Variants in WASF3 observed in about 807,000 individuals in gnomAD.
WASF3 encodes WASP family member 3, also known as actin-binding protein WASF3.
In WASF3, 11 loss-of-function variants were observed where a neutral mutation model predicts 46.6. The observed-to-expected ratio is 0.24, with a 90% CI of 0.15 to 0.39. The LOEUF is 0.39. Among genes scored for constraint, WASF3 ranks in the 10% least tolerant of loss-of-function variants. The pLI is 1.00. For synonymous variants in WASF3, 242 were observed against 259.7 expected (o/e 0.93, Z 0.65); for missense variants, 576 against 669.8 (o/e 0.86, Z 1.55).
chr13:26,565,625 C>A (rs1394984442), intron 1 of WASF3, among the ~76,000 whole-genome samples: 1 of 152,276 alleles, frequency 6.6e-6, no homozygotes, highest in Non-Finnish European at 1.5e-5. Flanking sequence ...CACAGTAACC[C>A]CCTAATTCCC....
At chr13:26,634,265 CTTTG>C (rs1881747426) in intron 2 of WASF3, among the ~76,000 whole-genome samples, 2 of 152,106 alleles carry the variant, frequency 1.3e-5, no homozygotes, top group African/African-American at 4.8e-5. Context: ...CTCTTTTGAT[CTTTG>C]TTGGTTTAAA....
chr13:26,541,746 GCCCTGGGAT>G, the WASF3 span, among the ~76,000 whole-genome samples: 1 of 150,174 alleles, frequency 6.7e-6, no homozygotes, highest in Admixed American at 6.6e-5. Flanking sequence ...GCCTCCCAAA[GCCCTGGGAT>G]TACAGGCATG....
chr13:26,679,943 A>G lies in WASF3; in HGVS notation c.717-1111A>G, dbSNP rs1883174880. On this transcript the variant is annotated intron_variant, in intron 7 of 9. Coordinates refer to ENST00000335327, the MANE Select transcript of WASF3 (RefSeq NM_006646.6). The surrounding 1 kb of genome is among the most constrained non-coding windows in gnomAD (Gnocchi z 4.8). ...TGCCACATGGTGCCCCAGTTAAGAA[A>G]AGCTACCAACTGGAATCCCAAAGAT... The G allele has an allele frequency of 4.1e-6, 6 of 1,467,892 alleles. No homozygotes were observed. In the East Asian group the frequency reaches 7.4e-5, roughly 18 times the overall value. 90.9% of individuals were successfully genotyped at this position (1,467,892 alleles called of 1,614,324 possible).
chr13:26,575,379 A>C (rs959531816), intron 1 of WASF3, among the ~76,000 whole-genome samples: 1 of 152,138 alleles, frequency 6.6e-6, no homozygotes, highest in Non-Finnish European at 1.5e-5. Flanking sequence ...TAAATACATA[A>C]AATGCTTACT....
intron 6 of WASF3, 148 bp downstream of exon 6, chr13:26,672,137 TTCAG>T (rs1196617759): frequency 3.1e-6 from 2 of 644,354 alleles, no homozygotes; most frequent in Non-Finnish European, 5.3e-6. Flanking sequence ...ATCCTGACAA[TTCAG>T]TCAAACACAG....
intron 1 of WASF3, among the ~76,000 whole-genome samples, chr13:26,607,655 A>G (rs536826173): frequency 1.6e-4 from 25 of 151,690 alleles, no homozygotes; most frequent in African/African-American, 6.0e-4. Flanking sequence ...TTTTTGAAAC[A>G]GGGTCTTGCT....
chr13:26,551,308 G>A, the WASF3 span, among the ~76,000 whole-genome samples: 970 of 152,242 alleles, frequency 6.4e-3, 15 homozygotes, highest in African/African-American at 0.022. Context: ...GCATGAGAAC[G>A]AACTAATACA....
chr13:26,658,620 G>A (rs1882534845), intron 3 of WASF3, among the ~76,000 whole-genome samples: 1 of 152,188 alleles, frequency 6.6e-6, no homozygotes. Flanking sequence ...TGTTGGCTTT[G>A]TGCTTGTTAA....
At chr13:26,549,749 T>A in the WASF3 span, among the ~76,000 whole-genome samples, 1 of 152,242 alleles carries the variant, frequency 6.6e-6, no homozygotes, top group African/African-American at 2.4e-5. Flanking sequence ...TTAAATTTTA[T>A]AGGAAAAGCC....
At chr13:26,654,112 C>A (rs1882398209) in intron 3 of WASF3, among the ~76,000 whole-genome samples, 1 of 152,176 alleles carries the variant, frequency 6.6e-6, no homozygotes, top group African/African-American at 2.4e-5. Flanking sequence ...ATGCCTCTTG[C>A]CTTCTGTTGG....
chr13:26,544,766 A>G, the WASF3 span, among the ~76,000 whole-genome samples: 1 of 152,196 alleles, frequency 6.6e-6, no homozygotes, highest in Admixed American at 6.5e-5. Context: ...CTCCACGTCA[A>G]GTGATCTGAC....
At chr13:26,545,381 G>A in the WASF3 span, among the ~76,000 whole-genome samples, 1 of 151,952 alleles carries the variant, frequency 6.6e-6, no homozygotes, top group African/African-American at 2.4e-5. Flanking sequence ...CCCTTGTAAT[G>A]TTATTTCTTT....
At chr13:26,649,709 C>T (rs9512302) in intron 3 of WASF3, among the ~76,000 whole-genome samples, 67,837 of 152,036 alleles carry the variant, frequency 0.45, 16,399 homozygotes, top group Non-Finnish European at 0.55. Context: ...TGCCAGCAAC[C>T]TTACCAGGTT....
At chr13:26,586,947 C>G (rs1880144451) in intron 1 of WASF3, among the ~76,000 whole-genome samples, 1 of 151,348 alleles carries the variant, frequency 6.6e-6, no homozygotes, top group South Asian at 2.1e-4. Context: ...ACCAAAAATA[C>G]AAAAAATTAG....
rs371835977 is a variant in WASF3, at chr13:26,682,663, C to T, written c.1040C>T (p.Pro347Leu). 3.1e-6 allele frequency: 5 copies of T among 1,614,166 alleles called. No individual in the cohort carries two copies. Among genetic ancestry groups the T allele is most frequent in the Non-Finnish European group, 1.7e-6 (2 of 1,180,026 alleles). Residue 347 changes from proline to leucine, a missense_variant, in exon 9 of 10, where the codon CCA (proline) becomes CTA (leucine). Around this residue, in one of 3 missense-constraint regions of WASF3, gnomAD observed 295 missense variants for 291.5 expected, o/e 1.01. Coordinates refer to ENST00000335327, the MANE Select transcript of WASF3 (RefSeq NM_006646.6). This position sits in a 1 kb window ranked among gnomAD's most constrained non-coding sequence, Gnocchi z 4.4. ...YYNPSGPPPP[P>L]PPPVIPSAQT... ...AACCCATCCGGACCACCTCCTCCGC[C>T]ACCTCCTCCTGTGATTCCCTCAGCA...
At chr13:26,645,141 G>A (rs934577505) in intron 3 of WASF3, among the ~76,000 whole-genome samples, 10 of 152,328 alleles carry the variant, frequency 6.6e-5, no homozygotes, top group East Asian at 1.9e-4. Flanking sequence ...AATCCTCATT[G>A]TAATGGTCTT....
At chr13:26,672,016 G>T (rs760132945) in intron 6 of WASF3, 27 bp downstream of exon 6, 3 of 1,445,222 alleles carry the variant, frequency 2.1e-6, no homozygotes, top group Non-Finnish European at 2.9e-6. Flanking sequence ...TGGGAAATGT[G>T]CATATCAGTG....
chr13:26,539,600 A>C, the WASF3 span, among the ~76,000 whole-genome samples: 2 of 152,134 alleles, frequency 1.3e-5, no homozygotes, highest in African/African-American at 4.8e-5. Context: ...AAATTGTCCC[A>C]GGTGATTTAT....
chr13:26,594,834 T>C (rs1337163685), intron 1 of WASF3, among the ~76,000 whole-genome samples: 1 of 152,172 alleles, frequency 6.6e-6, no homozygotes, highest in African/African-American at 2.4e-5. Context: ...ATTGTCTGTC[T>C]TCCTCATTCA....
Sources: allele counts gnomAD v4.1 joint callset (sites outside exome capture counted in the v4.1 genomes callset), GRCh38; gene constraint gnomAD v4.1.1; regional missense constraint gnomAD v4.1.1; non-coding constraint Gnocchi (gnomAD v3.1); transcripts MANE v1.5; gene names NCBI Gene and HGNC (gene_info 2026-07-23, HGNC 2026-07-21).